The following EPHA6 variants were observed in gnomAD, a reference collection of about 807,000 sequenced individuals.
EPHA6 encodes EPH receptor A6.
In EPHA6, 50 loss-of-function variants were observed where a neutral mutation model predicts 112.0. The ratio of observed to expected loss-of-function variants is 0.45; its 90% confidence interval spans 0.36 to 0.56. The LOEUF is 0.56. Among genes scored for constraint, EPHA6 ranks in the 20% least tolerant of loss-of-function variants. The probability of loss-of-function intolerance (pLI) is 0.00; values close to 1 mark genes in which losing one functional copy is unlikely to be tolerated. For missense variants in EPHA6, 1,280 were observed against 1,417.4 expected (o/e 0.90, Z 1.56); for synonymous variants, 529 against 490.7 (o/e 1.08, Z -1.03).
At chr3:96,962,680 A>C (rs186118099) in intron 2 of EPHA6, among the ~76,000 whole-genome samples, 1 of 151,558 alleles carries the variant, frequency 6.6e-6, no homozygotes, top group Admixed American at 6.6e-5. Flanking sequence ...TTATTTGCTC[A>C]GAAACAGCCT....
chr3:97,262,300 T>C (rs544881116), intron 5 of EPHA6, among the ~76,000 whole-genome samples: 1 of 152,220 alleles, frequency 6.6e-6, no homozygotes, highest in South Asian at 2.1e-4. Flanking sequence ...CCTCTATCTT[T>C]ATAAAGAAAA....
At chr3:97,305,554 CAT>C (rs2081282025) in intron 5 of EPHA6, among the ~76,000 whole-genome samples, 1 of 151,962 alleles carries the variant, frequency 6.6e-6, no homozygotes, top group South Asian at 2.1e-4. Context: ...GGAATGATAA[CAT>C]GTCCTTTGCA....
intron 16 of EPHA6, among the ~76,000 whole-genome samples, chr3:97,739,932 T>C (rs2035427626): frequency 6.6e-6 from 1 of 152,090 alleles, no homozygotes; most frequent in Non-Finnish European, 1.5e-5. Flanking sequence ...TTTGTAGCTG[T>C]CATGTCATGC....
At chr3:97,518,605 T>C (rs1441210092) in intron 10 of EPHA6, among the ~76,000 whole-genome samples, 1 of 152,030 alleles carries the variant, frequency 6.6e-6, no homozygotes, top group Non-Finnish European at 1.5e-5. Context: ...ATCAACAGTG[T>C]ATAAGTGTAA....
At chr3:96,821,023 A>G (rs72931339) in intron 1 of EPHA6, among the ~76,000 whole-genome samples, 2,021 of 151,980 alleles carry the variant, frequency 0.013, 47 homozygotes, top group African/African-American at 0.045. Context: ...GATACTTTCA[A>G]TTATACTTAT....
At chr3:96,837,052 T>G (rs1165807235) in intron 1 of EPHA6, among the ~76,000 whole-genome samples, 2 of 152,154 alleles carry the variant, frequency 1.3e-5, no homozygotes, top group East Asian at 1.9e-4. Context: ...GCATCTAGAC[T>G]GAGTGATAAG....
intron 6 of EPHA6, among the ~76,000 whole-genome samples, chr3:97,414,417 C>A (rs986800954): frequency 6.6e-6 from 1 of 151,906 alleles, no homozygotes; most frequent in African/African-American, 2.4e-5. Context: ...TAGATAGGTA[C>A]TTAACACCCT....
intron 7 of EPHA6, among the ~76,000 whole-genome samples, chr3:97,474,317 A>G (rs1299159400): frequency 2.0e-5 from 3 of 151,820 alleles, no homozygotes; most frequent in African/African-American, 7.3e-5. Flanking sequence ...GATATTATTT[A>G]TTTTCAGTAG....
intron 1 of EPHA6, among the ~76,000 whole-genome samples, chr3:96,855,859 A>G (rs542174063): frequency 5.9e-5 from 9 of 152,176 alleles, no homozygotes; most frequent in Non-Finnish European, 1.3e-4. Context: ...TTGTAAGTCT[A>G]TACAACTCTT....
chr3:97,470,945 AG>A (rs1247336210), intron 7 of EPHA6, among the ~76,000 whole-genome samples: 1 of 151,702 alleles, frequency 6.6e-6, no homozygotes, highest in Non-Finnish European at 1.5e-5. Context: ...GGTTCTTTTT[AG>A]GGACAAGTTT....
intron 3 of EPHA6, among the ~76,000 whole-genome samples, chr3:97,025,790 T>C (rs1281684423): frequency 1.3e-5 from 2 of 152,124 alleles, no homozygotes; most frequent in Admixed American, 1.3e-4. Flanking sequence ...GGTTTCACTC[T>C]GTTGACCAGG....
chr3:97,420,640 C>G (rs950021941), intron 6 of EPHA6, among the ~76,000 whole-genome samples: 1 of 151,928 alleles, frequency 6.6e-6, no homozygotes, highest in Non-Finnish European at 1.5e-5. Flanking sequence ...CCCATCATTT[C>G]AAACATATTC....
At chr3:97,254,159 AAT>A (rs147551406) in intron 5 of EPHA6, among the ~76,000 whole-genome samples, 22 of 149,222 alleles carry the variant, frequency 1.5e-4, no homozygotes, top group Admixed American at 2.7e-4. Context: ...ATGCAACTCA[AAT>A]ATATATATAT....
intron 3 of EPHA6, among the ~76,000 whole-genome samples, chr3:97,044,360 A>G (rs1418982989): frequency 2.6e-5 from 4 of 152,196 alleles, no homozygotes; most frequent in Admixed American, 2.6e-4. Context: ...ACCAGGTATG[A>G]TGCTTTGTGC....
chr3:97,020,405 AAG>A (rs1317026226), intron 3 of EPHA6, among the ~76,000 whole-genome samples: 1 of 152,244 alleles, frequency 6.6e-6, no homozygotes, highest in Non-Finnish European at 1.5e-5. Context: ...AACTCTGGAC[AAG>A]TAAGAAAAAT....
At chr3:97,116,865 T>C (rs986216404) in intron 3 of EPHA6, among the ~76,000 whole-genome samples, 3 of 151,694 alleles carry the variant, frequency 2.0e-5, no homozygotes, top group African/African-American at 7.2e-5. Context: ...GTGGGATTGC[T>C]GGATCATATG....
chr3:97,094,171 T>C (rs1203492252), intron 3 of EPHA6, among the ~76,000 whole-genome samples: 1 of 152,172 alleles, frequency 6.6e-6, no homozygotes, highest in African/African-American at 2.4e-5. Context: ...AATATATAGT[T>C]ACTGTTAACA....
At chr3:97,530,833 T>C (rs2092687281) in intron 10 of EPHA6, among the ~76,000 whole-genome samples, 2 of 152,026 alleles carry the variant, frequency 1.3e-5, no homozygotes, top group East Asian at 1.9e-4. Context: ...TGGTTATTTA[T>C]TTTGCCTAAA....
At chr3:97,489,314 T>C (rs2091776264) in intron 10 of EPHA6, among the ~76,000 whole-genome samples, 1 of 152,258 alleles carries the variant, frequency 6.6e-6, no homozygotes, top group Non-Finnish European at 1.5e-5. Flanking sequence ...AGTTGAAAAT[T>C]AGTAATTGAA....
Sources: gnomAD v4.1 joint callset for allele counts (sites outside exome capture counted in the v4.1 genomes callset) on GRCh38, gnomAD v4.1.1 for gene constraint, MANE v1.5 for transcripts, NCBI Gene and HGNC (gene_info 2026-07-23, HGNC 2026-07-21) for gene names.